SPIRE1: variants seen among roughly 807,000 people sequenced by gnomAD.
SPIRE1 encodes the protein spire type actin nucleation factor 1, also known as protein spire homolog 1.
A neutral mutation model predicts 94.1 loss-of-function variants in SPIRE1; 40 were observed. The observed-to-expected ratio is 0.43, with a 90% confidence interval of 0.33 to 0.55. SPIRE1 has a LOEUF of 0.55. Among genes scored for constraint, SPIRE1 ranks in the 20% least tolerant of loss-of-function variants. The pLI is 0.06. For synonymous variants in SPIRE1, 376 were observed against 371.7 expected, an observed-to-expected ratio of 1.01 and a Z score of -0.13; for missense variants, 838 against 975.2, an observed-to-expected ratio of 0.86 and a Z score of 1.87.
intron 2 of SPIRE1, among the ~76,000 whole-genome samples, chr18:12,618,965 A>C (rs1221643504): frequency 2.6e-5 from 4 of 151,578 alleles, no homozygotes; most frequent in East Asian, 2.0e-4. Context: ...GCTCACCACA[A>C]CCTCTGCCTC....
rs189646943 is a variant in SPIRE1 at position 12,469,525 on chromosome 18, G to A, written c.1405-4567C>T. On this transcript the variant is annotated intron_variant, in intron 10 of 16. Coordinates refer to ENST00000409402, the MANE Select transcript of SPIRE1 (RefSeq NM_001128626.2). Reference sequence around the variant, plus strand: ...TCTGATTTTTTAAAATCCTAATAATGCTGAATGCTTTTATTTCATGCTTAC... The same window carrying A: ...TCTGATTTTTTAAAATCCTAATAATACTGAATGCTTTTATTTCATGCTTAC... Among the ~76,000 whole-genome samples the A allele has an allele frequency of 8.3e-4, 122 of 147,090 alleles. 1 individual carries two copies. Among genetic ancestry groups the A allele is most frequent in the African/African-American group, 2.9e-3 (118 of 40,354 alleles).
upstream of SPIRE1, among the ~76,000 whole-genome samples, chr18:12,660,193 C>T (rs148843168): frequency 2.3e-3 from 349 of 152,094 alleles, 2 homozygotes; most frequent in South Asian, 0.014. Flanking sequence ...TGGCATAGAG[C>T]AGTAAATAAA....
intron 9 of SPIRE1, among the ~76,000 whole-genome samples, chr18:12,481,467 C>T (rs80182363): frequency 0.088 from 13,385 of 151,490 alleles, 1,160 homozygotes; most frequent in African/African-American, 0.22. Context: ...TGATATATAT[C>T]TTATTTAATA....
chr18:12,577,862 CAGTA>C (rs1207227993), intron 2 of SPIRE1, among the ~76,000 whole-genome samples: 1 of 151,984 alleles, frequency 6.6e-6, no homozygotes, highest in African/African-American at 2.4e-5. Context: ...AAACAGAACT[CAGTA>C]AGATAAACAA....
At chr18:12,560,874 C>T (rs570729041) in intron 2 of SPIRE1, among the ~76,000 whole-genome samples, 46 of 152,140 alleles carry the variant, frequency 3.0e-4, no homozygotes, top group African/African-American at 1.1e-3. Context: ...ACTAAACAAA[C>T]AAAACAACAA....
At chr18:12,513,113 A>C (rs1321486905) in intron 4 of SPIRE1, among the ~76,000 whole-genome samples, 2 of 152,280 alleles carry the variant, frequency 1.3e-5, no homozygotes, top group East Asian at 3.9e-4. Context: ...TCTAGACTTC[A>C]TGAGGCAGAA....
At chr18:12,645,767 C>T (rs2038207331) in intron 1 of SPIRE1, among the ~76,000 whole-genome samples, 1 of 152,070 alleles carries the variant, frequency 6.6e-6, no homozygotes, top group Admixed American at 6.6e-5. Flanking sequence ...TGCTTAAAAC[C>T]CTTCCATAGC....
intron 3 of SPIRE1, among the ~76,000 whole-genome samples, chr18:12,540,607 C>A (rs2034987214): frequency 6.6e-6 from 1 of 152,172 alleles, no homozygotes; most frequent in South Asian, 2.1e-4. Context: ...AACTCCTGAT[C>A]TCAGGTGATC....
chr18:12,484,609 TTTG>T (rs2032966281), intron 9 of SPIRE1, among the ~76,000 whole-genome samples: 2 of 152,246 alleles, frequency 1.3e-5, no homozygotes, highest in Admixed American at 6.5e-5. Flanking sequence ...CCAACAATTC[TTTG>T]TTATCTTAAG....
chr18:12,475,219 A>T (rs540333465), intron 10 of SPIRE1, among the ~76,000 whole-genome samples: 2 of 152,286 alleles, frequency 1.3e-5, no homozygotes, highest in African/African-American at 4.8e-5. Context: ...TCTAAAACCT[A>T]AATCCTACTA....
Position 12,657,765 on chromosome 18 carries a change from C to T in SPIRE1, c.102G>A (p.Gly34=), listed in dbSNP as rs1555639126. The T allele has an allele frequency of 7.5e-7, 1 of 1,337,000 alleles. No homozygotes were observed. The highest frequency in any genetic ancestry group is 1.8e-5 in the South Asian group (1 of 56,208). 82.8% of individuals were successfully genotyped at this position (1,337,000 alleles called of 1,614,324 possible). The change falls in exon 1 of 17, where the codon GGG becomes GGA. Residue 34 remains glycine, a synonymous_variant. Coordinates refer to ENST00000409402, the MANE Select transcript of SPIRE1 (RefSeq NM_001128626.2). ...CCAGGCTCAGCGCGTCCCGGGAGCC[C>T]CCGGCCGCGCCGCCGGCTGCCCCGG... ...REPGAAGGAA[G]GSRDALSLEE...
chr18:12,631,646 C>T (rs1462737904), intron 2 of SPIRE1, among the ~76,000 whole-genome samples: 3 of 150,558 alleles, frequency 2.0e-5, no homozygotes, highest in African/African-American at 4.9e-5. Context: ...GAGGGTGAGG[C>T]GGGAGGATCA....
chr18:12,578,394 A>G (rs1350356566), intron 2 of SPIRE1, among the ~76,000 whole-genome samples: 1 of 152,228 alleles, frequency 6.6e-6, no homozygotes, highest in Non-Finnish European at 1.5e-5. Context: ...ACTAGTGCAC[A>G]CTCAACACAG....
intron 2 of SPIRE1, among the ~76,000 whole-genome samples, chr18:12,619,466 C>A (rs1302722038): frequency 6.6e-6 from 1 of 151,984 alleles, no homozygotes; most frequent in East Asian, 2.0e-4. Flanking sequence ...TGAGATCGTG[C>A]CACTGAACTC....
intron 2 of SPIRE1, among the ~76,000 whole-genome samples, chr18:12,613,571 A>C (rs192667378): frequency 2.6e-5 from 4 of 152,232 alleles, no homozygotes; most frequent in African/African-American, 9.6e-5. Context: ...GAAAGACTTC[A>C]TAAGAAAAAA....
chr18:12,606,118 C>T (rs1487131922), intron 2 of SPIRE1, among the ~76,000 whole-genome samples: 7 of 152,176 alleles, frequency 4.6e-5, no homozygotes, highest in South Asian at 2.1e-4. Flanking sequence ...TCTCTGTCCA[C>T]CCACCCCTGC....
intron 2 of SPIRE1, among the ~76,000 whole-genome samples, chr18:12,548,692 G>C (rs1440260659): frequency 6.6e-6 from 1 of 150,706 alleles, no homozygotes; most frequent in African/African-American, 2.4e-5. Flanking sequence ...GCTCACTGCA[G>C]CTTCAACCTC....
chr18:12,642,803 A>G (rs189870486), intron 1 of SPIRE1, among the ~76,000 whole-genome samples: 35 of 152,274 alleles, frequency 2.3e-4, no homozygotes, highest in African/African-American at 8.2e-4. Flanking sequence ...ATTAGGACAA[A>G]TATGTAATGC....
At position 12,449,662 on chromosome 18, in the gene SPIRE1, T is replaced by C. The variant is rs749874942; in HGVS notation, c.2247A>G (p.Ser749=). 1.2e-5 allele frequency: 19 copies of C among 1,614,058 alleles called. No homozygotes were observed. In the East Asian group the frequency reaches 2.7e-4, roughly 23 times the overall value. Residue 749 remains serine (S), a synonymous_variant, in exon 17 of 17, where the codon TCA becomes TCG. Transcript: ENST00000409402. ...CTCAGATCTCACTGATCGTCCTCTCTGAAGGGCAGTACTCCGAGGGGCCTG... is the reference window on the plus strand; with the variant it reads ...CTCAGATCTCACTGATCGTCCTCTCCGAAGGGCAGTACTCCGAGGGGCCTG... The part of the protein sequence containing the change: ...SSPGPSEYCP[S]ERTISEI
Sources: allele counts gnomAD v4.1 joint callset (sites outside exome capture counted in the v4.1 genomes callset), GRCh38; gene constraint gnomAD v4.1.1; transcripts MANE v1.5; gene names NCBI Gene and HGNC (gene_info 2026-07-23, HGNC 2026-07-21).